The following CPS1 variants were observed in gnomAD, a reference collection of about 807,000 sequenced individuals.
CPS1 encodes carbamoyl-phosphate synthase [ammonia], mitochondrial.
Under a neutral mutation model 174.6 loss-of-function variants are expected in CPS1, and 109 were observed. The observed-to-expected ratio is 0.62, with a 90% CI of 0.53 to 0.73. The LOEUF is 0.73. Ranked by LOEUF, CPS1 falls within the 30% of genes least tolerant of loss-of-function variation. The pLI is 0.00. For missense variants in CPS1, 1,689 were observed against 1,821.9 expected (o/e 0.93, Z 1.33); for synonymous variants, 637 against 632.0 (o/e 1.01, Z -0.12).
At chr2:210,477,757 G>A in exon 1 of CPS1, 1 of 1,613,312 alleles carries the variant, frequency 6.2e-7, no homozygotes, top group Non-Finnish European at 8.5e-7. Flanking sequence ...AGATTTAGCC[G>A]AGGCCCATGG....
At chr2:210,553,496 T>A (rs78716894), upstream of CPS1, among the ~76,000 whole-genome samples, 1 of 151,826 alleles carries the variant, frequency 6.6e-6, no homozygotes, top group South Asian at 2.1e-4. Flanking sequence ...AAAAAAAAAT[T>A]CATTTTATCA....
intron 34 of CPS1, among the ~76,000 whole-genome samples, chr2:210,668,849 T>G (rs562536783): frequency 3.9e-4 from 59 of 152,306 alleles, no homozygotes; most frequent in African/African-American, 1.4e-3. Context: ...CAAACTGAAG[T>G]CATATCTGTT....
At chr2:210,658,838 G>A in intron 31 of CPS1, 150 bp downstream of exon 31, 1 of 686,764 alleles carries the variant, frequency 1.5e-6, no homozygotes, top group African/African-American at 1.8e-5. Context: ...ATGATGCATA[G>A]CATATAATGT....
intron 25 of CPS1, among the ~76,000 whole-genome samples, chr2:210,643,899 A>C (rs900221850): frequency 2.0e-5 from 3 of 152,134 alleles, no homozygotes; most frequent in African/African-American, 4.8e-5. Flanking sequence ...TTTCTCGAAC[A>C]CCTTGTAAAT....
chr2:210,653,184 T>C (rs1700609954), intron 28 of CPS1, among the ~76,000 whole-genome samples: 1 of 152,052 alleles, frequency 6.6e-6, no homozygotes, highest in Non-Finnish European at 1.5e-5. Context: ...AAGAGACACA[T>C]GGAAGCAAGT....
chr2:210,509,532 G>A (rs1222284124), intron 1 of CPS1, among the ~76,000 whole-genome samples: 1 of 152,142 alleles, frequency 6.6e-6, no homozygotes, highest in Non-Finnish European at 1.5e-5. Flanking sequence ...TCTGGCCAGG[G>A]CAATCAGGCA....
intron 32 of CPS1, 26 bp from the exon 33 acceptor site, chr2:210,663,097 C>T (rs767212706): frequency 6.6e-7 from 1 of 1,514,876 alleles, no homozygotes; most frequent in African/African-American, 1.9e-5. Context: ...CATAATTTTT[C>T]TCCCTGTTTT....
chr2:210,566,007 G>A (rs968973298), intron 1 of CPS1, among the ~76,000 whole-genome samples: 2 of 152,110 alleles, frequency 1.3e-5, no homozygotes, highest in African/African-American at 2.4e-5. Context: ...CTTGGCCAAC[G>A]GGATAGGAAG....
chr2:210,542,776 A>G (rs1696466911), intron 1 of CPS1, among the ~76,000 whole-genome samples: 1 of 152,018 alleles, frequency 6.6e-6, no homozygotes, highest in Non-Finnish European at 1.5e-5. Flanking sequence ...ATTCTCATCC[A>G]GTTTCTATTC....
chr2:210,527,650 G>T (rs953024302), intron 1 of CPS1, among the ~76,000 whole-genome samples: 1 of 151,686 alleles, frequency 6.6e-6, no homozygotes, highest in Non-Finnish European at 1.5e-5. Context: ...TTTGTTCTTT[G>T]TTATGTTTAC....
At chr2:210,667,399 A>G (rs1191530428) in intron 33 of CPS1, among the ~76,000 whole-genome samples, 1 of 152,138 alleles carries the variant, frequency 6.6e-6, no homozygotes, top group Non-Finnish European at 1.5e-5. Context: ...ACATGGCAGA[A>G]TTGACTCCTA....
intron 33 of CPS1, among the ~76,000 whole-genome samples, chr2:210,663,672 TC>T (rs3217218): frequency 0.15 from 22,634 of 152,150 alleles, 1,821 homozygotes; most frequent in African/African-American, 0.21. Flanking sequence ...ACTTTTAACC[TC>T]CTGGGGATTA....
At chr2:210,551,408 A>T (rs1008689468) in intron 1 of CPS1, among the ~76,000 whole-genome samples, 2 of 152,026 alleles carry the variant, frequency 1.3e-5, no homozygotes, top group Non-Finnish European at 2.9e-5. Flanking sequence ...TATATACTCC[A>T]TGCTGTTGAA....
At chr2:210,639,908 T>C in intron 23 of CPS1, 88 bp from the exon 24 acceptor site, 1 of 932,104 alleles carries the variant, frequency 1.1e-6, no homozygotes, top group Non-Finnish European at 1.8e-6. Flanking sequence ...AGATGAGAAA[T>C]ACATACTTAA....
intron 35 of CPS1, 35 bp from the exon 36 acceptor site, chr2:210,675,693 T>C (rs1450432072): frequency 1.1e-6 from 1 of 945,086 alleles, no homozygotes; most frequent in African/African-American, 1.6e-5. Context: ...GAAATCACTG[T>C]GATACGGTAA....
chr2:210,493,101 T>C (rs1400924411), intron 1 of CPS1, among the ~76,000 whole-genome samples: 1 of 152,226 alleles, frequency 6.6e-6, no homozygotes, highest in Non-Finnish European at 1.5e-5. Context: ...ATTTCAGTTA[T>C]ATATTAGTGA....
chr2:210,498,104 C>T (rs1695047956), intron 1 of CPS1, among the ~76,000 whole-genome samples: 1 of 151,592 alleles, frequency 6.6e-6, no homozygotes, highest in Non-Finnish European at 1.5e-5. Context: ...TTAATAACGG[C>T]CATTCTTACT....
At chr2:210,593,902 T>A (rs1346353532) in intron 11 of CPS1, among the ~76,000 whole-genome samples, 1 of 151,988 alleles carries the variant, frequency 6.6e-6, no homozygotes, top group Non-Finnish European at 1.5e-5. Context: ...TTTTTTAATT[T>A]AAAATTTAAA....
At chr2:210,485,370 A>G (rs1694688482) in intron 1 of CPS1, among the ~76,000 whole-genome samples, 1 of 152,318 alleles carries the variant, frequency 6.6e-6, no homozygotes, top group Middle Eastern at 3.4e-3. Context: ...AATTGAGATA[A>G]TGATCATTAT....
Sources: gnomAD v4.1 joint callset for allele counts (sites outside exome capture counted in the v4.1 genomes callset) on GRCh38, gnomAD v4.1.1 for gene constraint, MANE v1.5 for transcripts, NCBI Gene and HGNC (gene_info 2026-07-23, HGNC 2026-07-21) for gene names.